PTER: variants seen among roughly 807,000 people sequenced by gnomAD.
PTER encodes the protein phosphotriesterase related.
Under a neutral mutation model 29.6 loss-of-function variants are expected in PTER, and 38 were observed. The ratio of observed to expected loss-of-function variants is 1.28; its 90% CI spans 0.99 to 1.68. The LOEUF is 1.68. Among genes scored for constraint, PTER ranks in the 40% most tolerant of loss-of-function variants. The pLI, the probability that PTER is intolerant of heterozygous loss-of-function variation, is 0.00. For missense variants in PTER, 482 were observed against 427.8 expected (o/e 1.13, Z -1.12); for synonymous variants, 172 against 154.5 (o/e 1.11, Z -0.84).
At position 16,462,866 on chromosome 10, in the gene PTER, C is replaced by T. The variant is rs534969011; in HGVS notation, c.-48-21471C>T. ...GATTACAGGCATGAGCCACCATGCC[C>T]GGCCACATAATCTACTCTTAACATT... On this transcript the variant is annotated intron_variant, in intron 1 of 4. Coordinates refer to ENST00000535784, the MANE Select transcript of PTER (RefSeq NM_001261836.2). Among the ~76,000 whole-genome samples, 172 of 151,928 alleles carry T rather than the reference C, an allele frequency of 1.1e-3. 1 individual carries two copies. Among genetic ancestry groups the T allele is most frequent in the African/African-American group, 3.8e-3 (156 of 41,504 alleles).
chr10:16,482,704 T>C (rs1396502233), intron 1 of PTER, among the ~76,000 whole-genome samples: 5 of 152,174 alleles, frequency 3.3e-5, no homozygotes. Flanking sequence ...CTGATTTTGC[T>C]CTTGGCCATG....
downstream of PTER, among the ~76,000 whole-genome samples, chr10:16,515,112 G>A (rs999482928): frequency 6.6e-6 from 1 of 151,566 alleles, no homozygotes; most frequent in Non-Finnish European, 1.5e-5. Context: ...AGCTGTTTAT[G>A]AGTACAGAAG....
intron 1 of PTER, among the ~76,000 whole-genome samples, 181 bp from the exon 2 acceptor site, chr10:16,484,156 C>A (rs1427726792): frequency 6.6e-6 from 1 of 152,108 alleles, no homozygotes; most frequent in Non-Finnish European, 1.5e-5. Context: ...ACGCACGTCA[C>A]TTAGATCTGC....
intron 3 of PTER, 35 bp downstream of exon 3, chr10:16,486,652 C>T: frequency 1.3e-6 from 2 of 1,574,154 alleles, no homozygotes; most frequent in East Asian, 2.2e-5. Context: ...ATGCAAACTG[C>T]CATATAATTA....
At chr10:16,497,805 A>C (rs759018443) in intron 3 of PTER, among the ~76,000 whole-genome samples, 9 of 152,182 alleles carry the variant, frequency 5.9e-5, no homozygotes, top group Non-Finnish European at 1.0e-4. Flanking sequence ...AAGATCTAGA[A>C]TATAAAAGGG....
chr10:16,460,816 A>T (rs1276213808), intron 1 of PTER, among the ~76,000 whole-genome samples: 5 of 152,110 alleles, frequency 3.3e-5, no homozygotes, highest in African/African-American at 1.2e-4. Context: ...TCCCGGGTTC[A>T]AGAGATTCTC....
rs113486031 is a variant in PTER, at chr10:16,486,253, A to C, written c.433-99A>C. 3.2e-3 allele frequency: 4,170 copies of C among 1,295,660 alleles called. 99 individuals carry two copies. In the African/African-American group the frequency reaches 0.052, roughly 16 times the overall value. The allele number at this position is 1,295,660 out of a possible 1,614,324, so 80.3% of individuals were successfully genotyped here. A position where few individuals can be genotyped will look rare whatever the true frequency, so the allele number is the denominator to read the frequency against. The stretch of plus-strand genomic sequence containing the variant: ...AAATACTGAATACATTTTTAAAAGA[A>C]TGAATGACAAAATAAATAAATTCAT... On this transcript the variant is annotated intron_variant, in intron 2 of 4. Coordinates refer to ENST00000535784, the MANE Select transcript of PTER (RefSeq NM_001261836.2).
intron 1 of PTER, among the ~76,000 whole-genome samples, chr10:16,478,021 T>A (rs1311144129): frequency 6.6e-6 from 1 of 152,152 alleles, no homozygotes; most frequent in Non-Finnish European, 1.5e-5. Context: ...GAAAAGCAGG[T>A]GATAACCATT....
At chr10:16,444,437 G>GT (rs748849296) in intron 1 of PTER, among the ~76,000 whole-genome samples, 6,250 of 145,732 alleles carry the variant, frequency 0.043, 164 homozygotes, top group African/African-American at 0.074. Context: ...ACCACGCCTG[G>GT]TTTTTTTTTT....
At chr10:16,444,867 G>A (rs771202313) in intron 1 of PTER, among the ~76,000 whole-genome samples, 3 of 152,084 alleles carry the variant, frequency 2.0e-5, no homozygotes, top group Non-Finnish European at 4.4e-5. Context: ...AGAATCTTAC[G>A]TAGTAAATTG....
chr10:16,458,779 C>G (rs977959123), intron 1 of PTER, among the ~76,000 whole-genome samples: 2 of 152,146 alleles, frequency 1.3e-5, no homozygotes, highest in Admixed American at 1.3e-4. Flanking sequence ...TGCTGGTCCT[C>G]TAAAGCAACC....
chr10:16,452,034 TA>T (rs753009530), intron 1 of PTER, among the ~76,000 whole-genome samples: 27 of 152,200 alleles, frequency 1.8e-4, no homozygotes, highest in Non-Finnish European at 3.2e-4. Flanking sequence ...CCACTTTTTT[TA>T]CTTTAGCTCC....
chr10:16,437,403 A>C (rs553942345), intron 1 of PTER: 1 of 149,056 alleles, frequency 6.7e-6, no homozygotes, highest in Non-Finnish European at 1.5e-5. Context: ...ATTTGGCGCG[A>C]TCACAGCTCA....
chr10:16,459,410 A>G (rs1247836570), intron 1 of PTER, among the ~76,000 whole-genome samples: 1 of 152,200 alleles, frequency 6.6e-6, no homozygotes, highest in East Asian at 1.9e-4. Context: ...GCTACTCCAC[A>G]TTTGTCTCTG....
intron 1 of PTER, among the ~76,000 whole-genome samples, chr10:16,475,602 G>C (rs1251143875): frequency 6.6e-6 from 1 of 152,184 alleles, no homozygotes; most frequent in Non-Finnish European, 1.5e-5. Flanking sequence ...CTCTGGTACA[G>C]GGTAGAAGGG....
chr10:16,487,536 TC>T (rs1380335887), intron 3 of PTER, among the ~76,000 whole-genome samples: 1 of 152,194 alleles, frequency 6.6e-6, no homozygotes, highest in Non-Finnish European at 1.5e-5. Context: ...GCAGACCTTT[TC>T]CCCAAATAAT....
At chr10:16,500,706 C>A (rs7917386) in intron 3 of PTER, among the ~76,000 whole-genome samples, 1 of 151,880 alleles carries the variant, frequency 6.6e-6, no homozygotes, top group African/African-American at 2.4e-5. Flanking sequence ...GAATTGGGTC[C>A]CTACAGTCCC....
intron 1 of PTER, among the ~76,000 whole-genome samples, chr10:16,444,634 C>T (rs1225069432): frequency 6.6e-6 from 1 of 152,018 alleles, no homozygotes; most frequent in African/African-American, 2.4e-5. Flanking sequence ...CTCAAGTGAT[C>T]CTCCCACCTC....
chr10:16,488,876 C>CT (rs1160535967), intron 3 of PTER, among the ~76,000 whole-genome samples: 1 of 152,170 alleles, frequency 6.6e-6, no homozygotes, highest in Non-Finnish European at 1.5e-5. Context: ...AGTTCTGGGA[C>CT]TATAGGCATA....
Sources: allele counts gnomAD v4.1 joint callset (sites outside exome capture counted in the v4.1 genomes callset), GRCh38; gene constraint gnomAD v4.1.1; transcripts MANE v1.5; gene names NCBI Gene and HGNC (gene_info 2026-07-23, HGNC 2026-07-21).